CCDC15: variants seen among roughly 807,000 people sequenced by gnomAD.
CCDC15 encodes the protein coiled-coil domain-containing protein 15.
A neutral mutation model predicts 114.5 loss-of-function variants in CCDC15; 105 were observed. That is an observed-to-expected ratio of 0.92 (90% CI 0.78 to 1.08). The LOEUF is 1.08. Ranked by LOEUF, CCDC15 falls within the 50% of genes least tolerant of loss-of-function variation. CCDC15 has a pLI of 0.00. For synonymous variants in CCDC15, 334 were observed against 377.8 expected, an observed-to-expected ratio of 0.88 and a Z score of 1.34; for missense variants, 1,105 against 1,093.6, an observed-to-expected ratio of 1.01 and a Z score of -0.15.
chr11:124,966,407 C>G lies in CCDC15; in HGVS notation c.516+6404C>G, dbSNP rs188791658. ...TTACCGTTATGTAATGGCCTTGTCT[C>G]TTGATCTTTATTGGTTTAAAGTCTG... On this transcript the variant is annotated intron_variant, in intron 4 of 15. Transcript: ENST00000344762. Among the ~76,000 whole-genome samples the G allele has an allele frequency of 1.8e-3, 265 of 150,762 alleles. 1 individual carries two copies. Among genetic ancestry groups the G allele is most frequent in the Non-Finnish European group, 1.9e-3 (128 of 67,576 alleles).
Position 124,954,816 on chromosome 11 carries a change from G to A in CCDC15, c.84G>A (p.Val28=), listed in dbSNP as rs746187262. ...LALNPLKSKD[V]LAVLAERNEA... is the part of the protein sequence containing the mutation. ...TAAACCCCCTGAAGAGCAAGGACGT[G>A]TTGGCAGTGCTGGCTGAGAGGAACG... Residue 28 remains valine, a synonymous_variant, in exon 2 of 16, where the codon GTG becomes GTA. Transcript: ENST00000344762. The A allele has an allele frequency of 2.9e-5, 47 of 1,613,946 alleles. No individual in the cohort carries two copies. The highest frequency in any genetic ancestry group is 3.6e-5 in the Non-Finnish European group (42 of 1,179,900).
chr11:124,974,388 T>C (rs967715894), intron 4 of CCDC15, among the ~76,000 whole-genome samples: 1 of 152,132 alleles, frequency 6.6e-6, no homozygotes, highest in African/African-American at 2.4e-5. Flanking sequence ...GAAAAAGAAA[T>C]CAAAATAGCC....
At chr11:124,980,896 TTAAAAC>T (rs1469980650) in intron 6 of CCDC15, among the ~76,000 whole-genome samples, 1 of 152,218 alleles carries the variant, frequency 6.6e-6, no homozygotes, top group Non-Finnish European at 1.5e-5. Flanking sequence ...ATGTGGGTGT[TTAAAAC>T]TATAAACTTC....
chr11:124,978,186 A>G (rs905802946), intron 6 of CCDC15, among the ~76,000 whole-genome samples: 4 of 152,234 alleles, frequency 2.6e-5, no homozygotes, highest in African/African-American at 9.6e-5. Context: ...TGCAAAGGAC[A>G]TGATCTCATT....
chr11:124,981,750 G>T (rs772742602), intron 6 of CCDC15, among the ~76,000 whole-genome samples: 15 of 152,196 alleles, frequency 9.9e-5, no homozygotes, highest in Admixed American at 2.6e-4. Flanking sequence ...CACCTGAGTA[G>T]CTGGGACTAC....
chr11:124,963,199 T>A (rs1291198959), intron 4 of CCDC15, among the ~76,000 whole-genome samples: 1 of 152,204 alleles, frequency 6.6e-6, no homozygotes, highest in East Asian at 1.9e-4. Flanking sequence ...TAGTTCTAGA[T>A]CCTTGAGGAA....
chr11:124,984,037 G>A (rs989568365), intron 6 of CCDC15, among the ~76,000 whole-genome samples: 3 of 152,072 alleles, frequency 2.0e-5, no homozygotes, highest in East Asian at 1.9e-4. Context: ...AGGGCTGCTC[G>A]TCTCCTTGAG....
rs1948174811 is a variant in CCDC15 at position 124,986,866 on chromosome 11, A to G, written c.878A>G (p.Asn293Ser). 1 of 1,557,750 alleles carries G rather than the reference A, an allele frequency of 6.4e-7. No individual in the cohort carries two copies. Among genetic ancestry groups the G allele is most frequent in the Admixed American group, 2.0e-5 (1 of 50,648 alleles). Reference protein sequence around the residue: ...DQQAIHSEDKNKPFSRVQKVK... With the variant: ...DQQAIHSEDKSKPFSRVQKVK... ...CAGGCTATCCATTCTGAAGATAAGA[A>G]CAAACCTTTCAGCAGAGTTCAGGTA... The change falls in exon 7 of 16, where the codon AAC becomes AGC. Residue 293 changes from asparagine to serine, a missense_variant. Asn to Ser is a conservative substitution (Grantham distance 46). Coordinates refer to ENST00000344762, the MANE Select transcript of CCDC15 (RefSeq NM_025004.3).
intron 13 of CCDC15, among the ~76,000 whole-genome samples, chr11:125,009,227 CAAA>C (rs5795440): frequency 6.5e-5 from 9 of 138,870 alleles, no homozygotes; most frequent in Non-Finnish European, 9.5e-5. Context: ...AACTCCGTCT[CAAA>C]AAAAAAAAAA....
intron 4 of CCDC15, among the ~76,000 whole-genome samples, chr11:124,972,370 A>G (rs1262891906): frequency 6.6e-6 from 1 of 152,222 alleles, no homozygotes; most frequent in East Asian, 1.9e-4. Context: ...AAGTATACAT[A>G]CAAATGTATA....
At chr11:124,973,383 A>G (rs1371431921) in intron 4 of CCDC15, among the ~76,000 whole-genome samples, 1 of 151,652 alleles carries the variant, frequency 6.6e-6, no homozygotes, top group African/African-American at 2.4e-5. Flanking sequence ...TCAACTACAC[A>G]TATCTCTTTT....
chr11:124,986,005 C>G (rs1361201409), intron 6 of CCDC15, among the ~76,000 whole-genome samples: 2 of 151,998 alleles, frequency 1.3e-5, no homozygotes, highest in African/African-American at 2.4e-5. Flanking sequence ...AATTTTAGGT[C>G]TGTGATCCAT....
chr11:125,033,118 C>T (rs573566149), intron 13 of CCDC15, among the ~76,000 whole-genome samples: 1 of 152,308 alleles, frequency 6.6e-6, no homozygotes, highest in East Asian at 1.9e-4. Context: ...TATAAACTGG[C>T]TCCAGTCTGG....
intron 6 of CCDC15, among the ~76,000 whole-genome samples, chr11:124,983,585 A>C (rs12276486): frequency 0.27 from 40,464 of 151,810 alleles, 6,371 homozygotes; most frequent in African/African-American, 0.44. Context: ...TGTGCTCCAA[A>C]TCTGGGGGGC....
chr11:124,983,091 A>G (rs1296369430), intron 6 of CCDC15, among the ~76,000 whole-genome samples: 1 of 152,128 alleles, frequency 6.6e-6, no homozygotes, highest in East Asian at 1.9e-4. Context: ...TTCTGTTATT[A>G]ATACTACTGC....
intron 11 of CCDC15, among the ~76,000 whole-genome samples, chr11:124,993,550 T>C (rs193233674): frequency 6.6e-6 from 1 of 152,296 alleles, no homozygotes; most frequent in East Asian, 1.9e-4. Context: ...TTATGTTGTC[T>C]TTTAGCACAG....
chr11:124,964,260 C>A (rs1947726408), intron 4 of CCDC15, among the ~76,000 whole-genome samples: 2 of 152,122 alleles, frequency 1.3e-5, no homozygotes, highest in Admixed American at 1.3e-4. Flanking sequence ...GATATTGATT[C>A]TTCCTGTCCA....
intron 13 of CCDC15, among the ~76,000 whole-genome samples, chr11:125,011,244 TATTA>T (rs1948590552): frequency 2.0e-5 from 3 of 146,882 alleles, no homozygotes; most frequent in Admixed American, 6.8e-5. Context: ...TTATTATTAT[TATTA>T]TTTTTTAAGA....
chr11:125,025,737 A>T (rs1056443316), intron 13 of CCDC15, among the ~76,000 whole-genome samples: 7 of 152,096 alleles, frequency 4.6e-5, no homozygotes, highest in African/African-American at 1.7e-4. Context: ...GATGTTAAGA[A>T]CTTTATTAAT....
Sources: allele counts gnomAD v4.1 joint callset (sites outside exome capture counted in the v4.1 genomes callset), GRCh38; gene constraint gnomAD v4.1.1; transcripts MANE v1.5; gene names NCBI Gene and HGNC (gene_info 2026-07-23, HGNC 2026-07-21).